Variants in FUT8 observed in about 807,000 individuals in gnomAD.
FUT8 encodes fucosyltransferase 8, also known as alpha-(1,6)-fucosyltransferase.
In FUT8, 29 loss-of-function variants were observed where a neutral mutation model predicts 71.3. That is an observed-to-expected ratio of 0.41 (90% CI 0.30 to 0.55). The LOEUF (loss-of-function observed/expected upper bound fraction) is 0.55, where lower values mean the gene tolerates loss of function less well. FUT8 is among the 20% of genes least tolerant of loss of function. The probability of loss-of-function intolerance (pLI) is 0.34; values close to 1 mark genes in which losing one functional copy is unlikely to be tolerated. For missense variants in FUT8, 544 were observed against 702.1 expected (o/e 0.77, Z 2.55); for synonymous variants, 254 against 239.3 (o/e 1.06, Z -0.57).
chr14:65,691,116 G>C (rs1174693542), intron 7 of FUT8, among the ~76,000 whole-genome samples: 4 of 151,114 alleles, frequency 2.6e-5, no homozygotes, highest in Admixed American at 2.6e-4. Context: ...GGTTTTTTTG[G>C]GGGGTGGAGG....
the FUT8 span, among the ~76,000 whole-genome samples, chr14:65,400,313 C>T: frequency 2.0e-5 from 3 of 152,132 alleles, no homozygotes; most frequent in African/African-American, 7.2e-5. Context: ...TTGAAATTTG[C>T]CTTCTGCCAT....
chr14:65,620,965 A>G (rs1367061366), intron 5 of FUT8, among the ~76,000 whole-genome samples: 1 of 152,192 alleles, frequency 6.6e-6, no homozygotes, highest in Non-Finnish European at 1.5e-5. Flanking sequence ...ATGATTCTTC[A>G]TCGCCTGTAA....
intron 5 of FUT8, chr14:65,617,109 G>A (rs1889325410): frequency 6.3e-7 from 1 of 1,596,828 alleles, no homozygotes. Context: ...GGCAATTACT[G>A]TCTCATTAGT....
intron 8 of FUT8, 84 bp from the exon 9 acceptor site, chr14:65,724,063 C>T: frequency 1.0e-6 from 1 of 985,522 alleles, no homozygotes; most frequent in Non-Finnish European, 1.4e-6. Flanking sequence ...CCTATAATGC[C>T]ACCATAAGTA....
intron 3 of FUT8, among the ~76,000 whole-genome samples, chr14:65,609,276 C>G (rs373882509): frequency 4.0e-5 from 6 of 149,044 alleles, no homozygotes. Context: ...GCCTGGGTGA[C>G]AGAGTGAGAC....
At position 65,504,998 on chromosome 14, in the gene FUT8, G is replaced by A. The variant is rs556542438; in HGVS notation, c.-228+49280G>A. On this transcript the variant is annotated intron_variant, in intron 2 of 10. Coordinates refer to ENST00000673929, the MANE Select transcript of FUT8 (RefSeq NM_001371533.1). ...ACACACTGTATTAATTATTGATGCAGTATCACTATTCTTACTGAGACTACA... is the reference window on the plus strand; with the variant it reads ...ACACACTGTATTAATTATTGATGCAATATCACTATTCTTACTGAGACTACA... Among the ~76,000 whole-genome samples the A allele has an allele frequency of 2.6e-5, 4 of 152,316 alleles. No individual in the cohort carries two copies. In the East Asian group the frequency reaches 5.8e-4, roughly 22 times the overall value.
At chr14:65,456,787 C>T (rs765467191) in intron 2 of FUT8, among the ~76,000 whole-genome samples, 5 of 151,062 alleles carry the variant, frequency 3.3e-5, no homozygotes, top group African/African-American at 9.8e-5. Flanking sequence ...GTAGGAGAAT[C>T]GCTTGAACCC....
intron 5 of FUT8, among the ~76,000 whole-genome samples, chr14:65,623,438 C>T (rs562128443): frequency 8.5e-4 from 129 of 152,166 alleles, no homozygotes; most frequent in African/African-American, 3.0e-3. Flanking sequence ...TTCTACTTGG[C>T]GGGGCGCGGT....
the FUT8 span, among the ~76,000 whole-genome samples, chr14:65,372,519 G>C: frequency 6.6e-6 from 1 of 151,714 alleles, no homozygotes; most frequent in African/African-American, 2.4e-5. Context: ...GGGTTCAAGT[G>C]ATTCTCCTGC....
chr14:65,610,313 A>G (rs553553433), intron 3 of FUT8, among the ~76,000 whole-genome samples: 4 of 150,900 alleles, frequency 2.7e-5, no homozygotes, highest in African/African-American at 4.9e-5. Flanking sequence ...CCATTAACCT[A>G]TGGTGTTAGC....
intron 2 of FUT8, among the ~76,000 whole-genome samples, chr14:65,542,913 G>C (rs1015040759): frequency 6.6e-6 from 1 of 152,120 alleles, no homozygotes; most frequent in African/African-American, 2.4e-5. Flanking sequence ...CTCCTGAGTA[G>C]CTGGGGTTAC....
intron 1 of FUT8, among the ~76,000 whole-genome samples, chr14:65,439,954 G>GTGTGTGTATATATATATATATA: frequency 1.5e-4 from 11 of 74,970 alleles, no homozygotes; most frequent in East Asian, 6.1e-4. Flanking sequence ...GTGTGTGTGT[G>GTGTGTGTATATATATATATATA]TATATATATA....
rs2066064631 is a variant in FUT8, at chr14:65,467,619, G to T, written c.-228+11901G>T. On this transcript the variant is annotated intron_variant, in intron 2 of 10. Transcript: ENST00000673929. The surrounding 1 kb of genome is among the most constrained non-coding windows in gnomAD (Gnocchi z 4.1). ...AGCCTCCTGAGTAGCTGGAATTAGA[G>T]GCGCCCATCACCACGCCCAGCTAAT... Among the ~76,000 whole-genome samples the T allele has an allele frequency of 6.6e-6, 1 of 152,090 alleles. No homozygotes were observed. The highest frequency in any genetic ancestry group is 2.1e-4 in the South Asian group (1 of 4,822).
At chr14:65,661,412 A>T (rs1239480367) in intron 6 of FUT8, among the ~76,000 whole-genome samples, 1 of 152,196 alleles carries the variant, frequency 6.6e-6, no homozygotes, top group African/African-American at 2.4e-5. Flanking sequence ...ATTCAGTTGA[A>T]CTAATGGTTA....
At chr14:65,555,430 A>G (rs1885536005) in intron 2 of FUT8, among the ~76,000 whole-genome samples, 2 of 152,152 alleles carry the variant, frequency 1.3e-5, no homozygotes, top group African/African-American at 2.4e-5. Flanking sequence ...AAGCCTCATG[A>G]GTTCTTACTA....
intron 1 of FUT8, among the ~76,000 whole-genome samples, chr14:65,426,283 A>G (rs1026797389): frequency 6.6e-6 from 1 of 151,654 alleles, no homozygotes; most frequent in African/African-American, 2.4e-5. Flanking sequence ...TTATTTGCAG[A>G]TAACAGTGTA....
the FUT8 span, among the ~76,000 whole-genome samples, chr14:65,380,580 G>T: frequency 6.6e-6 from 1 of 152,228 alleles, no homozygotes; most frequent in African/African-American, 2.4e-5. Context: ...AAGTAGGGAT[G>T]CTACCCTGAT....
chr14:65,602,640 T>C (rs1036680798), intron 3 of FUT8, among the ~76,000 whole-genome samples: 1 of 151,714 alleles, frequency 6.6e-6, no homozygotes, highest in African/African-American at 2.4e-5. Context: ...CCCACCAGCA[T>C]TGTAGAAGTG....
intron 3 of FUT8, among the ~76,000 whole-genome samples, chr14:65,593,378 A>T (rs1887793446): frequency 6.6e-6 from 1 of 152,246 alleles, no homozygotes; most frequent in African/African-American, 2.4e-5. Context: ...TTGCAATAGC[A>T]ATCAAACCAG....
Sources: allele counts gnomAD v4.1 joint callset (sites outside exome capture counted in the v4.1 genomes callset), GRCh38; gene constraint gnomAD v4.1.1; non-coding constraint Gnocchi (gnomAD v3.1); transcripts MANE v1.5; gene names NCBI Gene and HGNC (gene_info 2026-07-23, HGNC 2026-07-21).